The following RPTOR variants were observed in gnomAD, a reference collection of about 807,000 sequenced individuals.
RPTOR encodes the protein regulatory associated protein of MTOR complex 1, also known as regulatory-associated protein of mTOR.
RPTOR carries 21 observed loss-of-function variants against 169.9 expected under a neutral mutation model. The observed-to-expected ratio is 0.12, with a 90% confidence interval of 0.09 to 0.18. The LOEUF is 0.18. Among genes scored for constraint, RPTOR ranks in the 10% least tolerant of loss-of-function variants. RPTOR has a pLI of 1.00. For synonymous variants in RPTOR, 732 were observed against 753.2 expected, an observed-to-expected ratio of 0.97 and a Z score of 0.46; for missense variants, 1,133 against 1,855.9, an observed-to-expected ratio of 0.61 and a Z score of 7.16.
chr17:80,863,717 T>C (rs1442464102), intron 13 of RPTOR, among the ~76,000 whole-genome samples: 2 of 152,130 alleles, frequency 1.3e-5, no homozygotes, highest in Non-Finnish European at 2.9e-5. Context: ...AGGATTTCAA[T>C]ACCAGCCTGA....
intron 7 of RPTOR, among the ~76,000 whole-genome samples, chr17:80,808,120 C>T (rs1345903484): frequency 6.9e-6 from 1 of 144,296 alleles, no homozygotes; most frequent in African/African-American, 2.6e-5. Context: ...CATGATAAGA[C>T]CCTATCTCTA....
chr17:80,891,684 C>A, intron 17 of RPTOR, 36 bp from the exon 18 acceptor site: 1 of 1,370,654 alleles, frequency 7.3e-7, no homozygotes, highest in Non-Finnish European at 1.0e-6. Context: ...TTTTCCAGCC[C>A]CAGTGACTGT....
intron 1 of RPTOR, among the ~76,000 whole-genome samples, chr17:80,595,499 A>G (rs965515877): frequency 4.6e-5 from 7 of 152,192 alleles, no homozygotes; most frequent in Admixed American, 2.0e-4. Flanking sequence ...TCATTCGCCC[A>G]GGCTAGAGTG....
chr17:80,767,388 A>G (rs2066798807), intron 6 of RPTOR, among the ~76,000 whole-genome samples: 1 of 151,902 alleles, frequency 6.6e-6, no homozygotes, highest in Non-Finnish European at 1.5e-5. Flanking sequence ...GAAAATTATA[A>G]GTAAATAAAA....
intron 3 of RPTOR, among the ~76,000 whole-genome samples, chr17:80,700,687 G>A (rs1465621839): frequency 7.1e-6 from 1 of 141,670 alleles, no homozygotes; most frequent in East Asian, 2.1e-4. Flanking sequence ...TGGAGGTGGT[G>A]GTGATGGTGA....
At position 80,646,339 on chromosome 17, in the gene RPTOR, T is replaced by C. The variant is rs1375583879; in HGVS notation, c.348+2529T>C. On this transcript the variant is annotated intron_variant, in intron 3 of 33. Transcript: ENST00000306801. This position sits in a 1 kb window ranked among gnomAD's most constrained non-coding sequence, Gnocchi z 5.0. ...ATGTCACAGGATACCTCTGACCGGCTCCCAGGTGTGAGCGTGGGGCTGTGC... is the reference window on the plus strand; with the variant it reads ...ATGTCACAGGATACCTCTGACCGGCCCCCAGGTGTGAGCGTGGGGCTGTGC... 6.6e-6 allele frequency among the ~76,000 whole-genome samples: 1 copy of C among 152,182 alleles called. No individual in the cohort carries two copies. Among genetic ancestry groups the C allele is most frequent in the Non-Finnish European group, 1.5e-5 (1 of 68,024 alleles).
intron 8 of RPTOR, 104 bp from the exon 9 acceptor site, chr17:80,822,975 G>A: frequency 7.7e-7 from 1 of 1,306,612 alleles, no homozygotes. Context: ...ATGCATATTA[G>A]TCCCAACTTT....
chr17:80,841,810 C>T (rs1452494869), intron 10 of RPTOR, among the ~76,000 whole-genome samples: 2 of 137,642 alleles, frequency 1.5e-5, no homozygotes, highest in East Asian at 2.2e-4. Context: ...TCACACTCAC[C>T]GCACGGCAGC....
chr17:80,805,572 G>A (rs952450931), intron 7 of RPTOR: 2 of 152,184 alleles, frequency 1.3e-5, no homozygotes, highest in Non-Finnish European at 2.9e-5. Context: ...CTGAAGGTCG[G>A]CCCTGACACC....
At chr17:80,888,679 G>A (rs992228963) in intron 17 of RPTOR, among the ~76,000 whole-genome samples, 1 of 152,252 alleles carries the variant, frequency 6.6e-6, no homozygotes, top group Non-Finnish European at 1.5e-5. Context: ...CTAACCATGT[G>A]CTACAGACGA....
intron 3 of RPTOR, among the ~76,000 whole-genome samples, chr17:80,662,941 T>C (rs2065735458): frequency 6.6e-6 from 1 of 152,210 alleles, no homozygotes; most frequent in Admixed American, 6.5e-5. Context: ...CATCCGGGAA[T>C]GGGTGAGGGC....
At chr17:80,625,914 G>A (rs2065390573) in intron 2 of RPTOR, 121 bp downstream of exon 2, 2 of 680,688 alleles carry the variant, frequency 2.9e-6, no homozygotes, top group African/African-American at 1.8e-5. Flanking sequence ...AATCTGAGGG[G>A]TTTTTCTTTC....
chr17:80,815,142 G>A (rs1324045015), intron 7 of RPTOR, among the ~76,000 whole-genome samples: 1 of 152,236 alleles, frequency 6.6e-6, no homozygotes, highest in Non-Finnish European at 1.5e-5. Flanking sequence ...CCGCGTGACT[G>A]TGCTGGGGAG....
chr17:80,578,039 T>G (rs2064981134), intron 1 of RPTOR, among the ~76,000 whole-genome samples: 1 of 152,260 alleles, frequency 6.6e-6, no homozygotes, highest in Non-Finnish European at 1.5e-5. Flanking sequence ...ATAGCCTCTC[T>G]GCTCATGAGC....
rs2068362849 is a variant in RPTOR at position 80,893,701 on chromosome 17, G to A, written c.2243-6G>A. 3 of 1,608,254 alleles carry A rather than the reference G, an allele frequency of 1.9e-6. No homozygotes were observed. Among genetic ancestry groups the A allele is most frequent in the South Asian group, 1.1e-5 (1 of 90,750 alleles). ...CACCCCACTGACCCCGTTGCGTCTC[G>A]GGCAGCTGGTGGCGCGGTGGCGTTC... On this transcript the variant is annotated splice_region_variant and splice_polypyrimidine_tract_variant and intron_variant, in intron 19 of 33. Transcript: ENST00000306801.
intron 23 of RPTOR, among the ~76,000 whole-genome samples, chr17:80,925,063 C>T (rs75122444): frequency 1.4e-3 from 215 of 152,328 alleles, no homozygotes; most frequent in African/African-American, 4.9e-3. Context: ...CACACATGGA[C>T]GCACGTGGCA....
Position 80,947,476 on chromosome 17 carries a change from A to C in RPTOR, c.3265+125A>C. ...AAAGCCCTGCTCACACGCGAGGGCC[A>C]CTGTCATTCAGAAGTGGGGAGGTTT... On this transcript the variant is annotated intron_variant, in intron 27 of 33. Transcript: ENST00000306801. This position sits in a 1 kb window ranked among gnomAD's most constrained non-coding sequence, Gnocchi z 4.4. 1 of 1,252,858 alleles carries C rather than the reference A, an allele frequency of 8.0e-7. No individual in the cohort carries two copies. The highest frequency in any genetic ancestry group is 1.0e-6 in the Non-Finnish European group (1 of 969,258). The allele number at this position is 1,252,858 out of a possible 1,614,324, so 77.6% of individuals were successfully genotyped here.
intron 7 of RPTOR, chr17:80,801,594 A>G (rs1426673751): frequency 6.6e-6 from 1 of 152,216 alleles, no homozygotes; most frequent in Non-Finnish European, 1.5e-5. Context: ...GAAGTCATAC[A>G]CATGGATTAT....
chr17:80,884,993 C>T lies in RPTOR; in HGVS notation c.1843-15C>T, dbSNP rs1310804529. The stretch of plus-strand genomic sequence containing the variant: ...CCGGTGTGGGACATGCCTGTGACCC[C>T]CCGCCGCCTTGCAGGTCCGCTGCGC... On this transcript the variant is annotated splice_polypyrimidine_tract_variant and intron_variant, in intron 16 of 33. Transcript: ENST00000306801. The T allele has an allele frequency of 2.5e-6, 4 of 1,604,540 alleles. No individual in the cohort carries two copies. In the South Asian group the frequency reaches 4.5e-5, roughly 18 times the overall value.
Sources: allele counts gnomAD v4.1 joint callset (sites outside exome capture counted in the v4.1 genomes callset), GRCh38; gene constraint gnomAD v4.1.1; non-coding constraint Gnocchi (gnomAD v3.1); transcripts MANE v1.5; gene names NCBI Gene and HGNC (gene_info 2026-07-23, HGNC 2026-07-21).